CNTNAP2: variants seen among roughly 807,000 people sequenced by gnomAD.
CNTNAP2 encodes the protein contactin associated protein 2.
Under a neutral mutation model 155.2 loss-of-function variants are expected in CNTNAP2, and 98 were observed. The observed-to-expected ratio is 0.63, with a 90% confidence interval of 0.54 to 0.75. The LOEUF (loss-of-function observed/expected upper bound fraction) is 0.75. CNTNAP2 is among the 30% of genes least tolerant of loss of function. The pLI, the probability that CNTNAP2 is intolerant of heterozygous loss-of-function variation, is 0.00. For missense variants in CNTNAP2, 1,727 were observed against 1,688.1 expected (o/e 1.02, Z -0.40); for synonymous variants, 651 against 631.2 (o/e 1.03, Z -0.47).
At chr7:147,348,072 TAGA>T (rs1293008672) in intron 9 of CNTNAP2, among the ~76,000 whole-genome samples, 1 of 151,954 alleles carries the variant, frequency 6.6e-6, no homozygotes, top group Non-Finnish European at 1.5e-5. Flanking sequence ...ATAAAACTGC[TAGA>T]AGAAGACATA....
At chr7:146,152,959 A>G (rs1490832960) in intron 1 of CNTNAP2, among the ~76,000 whole-genome samples, 2 of 152,110 alleles carry the variant, frequency 1.3e-5, no homozygotes, top group African/African-American at 4.8e-5. Context: ...AACTTTACAC[A>G]ACAAATTTGA....
At chr7:148,011,336 C>T (rs565261845) in intron 15 of CNTNAP2, among the ~76,000 whole-genome samples, 11 of 152,228 alleles carry the variant, frequency 7.2e-5, no homozygotes, top group African/African-American at 2.6e-4. Context: ...GCTGATTATA[C>T]ATCATTATTC....
At chr7:147,414,973 A>G (rs1219832954) in intron 10 of CNTNAP2, among the ~76,000 whole-genome samples, 1 of 151,382 alleles carries the variant, frequency 6.6e-6, no homozygotes, top group Non-Finnish European at 1.5e-5. Flanking sequence ...AGAAAAGAAA[A>G]AAAAGAAATG....
chr7:147,423,852 C>T (rs573823457), intron 10 of CNTNAP2, among the ~76,000 whole-genome samples: 2 of 152,314 alleles, frequency 1.3e-5, no homozygotes, highest in Admixed American at 6.5e-5. Context: ...CACTCATGTG[C>T]TCACTTCCCT....
At chr7:146,447,871 A>G (rs1342419107) in intron 1 of CNTNAP2, among the ~76,000 whole-genome samples, 1 of 152,016 alleles carries the variant, frequency 6.6e-6, no homozygotes, top group Non-Finnish European at 1.5e-5. Flanking sequence ...TTTAAGTTCC[A>G]TATGCATTTG....
intron 14 of CNTNAP2, among the ~76,000 whole-genome samples, chr7:147,963,848 CCTTG>C (rs1425718206): frequency 1.2e-4 from 19 of 152,182 alleles, no homozygotes; most frequent in African/African-American, 4.3e-4. Flanking sequence ...CACCCAGATC[CCTTG>C]CTTGGAAGAC....
At chr7:146,647,354 T>C (rs923492274) in intron 1 of CNTNAP2, among the ~76,000 whole-genome samples, 1 of 124,518 alleles carries the variant, frequency 8.0e-6, no homozygotes. Flanking sequence ...AATAATCTTA[T>C]ATTAGTCCAT....
rs148873771 is a variant in CNTNAP2 at position 147,400,951 on chromosome 7, C to T, written c.1670+5171C>T. Among the ~76,000 whole-genome samples, 132 of 152,234 alleles carry T rather than the reference C, an allele frequency of 8.7e-4. 1 individual carries two copies. The East Asian group carries it at 0.024, about 27-fold the overall frequency. ...CCCCACTTCTAAAATTAACCAGTAC[C>T]ATCATTTTACCAGAATACAGAAGAA... On this transcript the variant is annotated intron_variant, in intron 10 of 23. Coordinates refer to ENST00000361727, the MANE Select transcript of CNTNAP2 (RefSeq NM_014141.6).
chr7:147,395,752 A>T lies in CNTNAP2; in HGVS notation c.1642A>T (p.Ser548Cys), dbSNP rs140699088. Residue 548 changes from serine (S) to cysteine (C), a missense_variant, in exon 10 of 24, where the codon AGC becomes TGC. By Grantham distance (112) the Ser-to-Cys change is moderately radical. Coordinates refer to ENST00000361727, the MANE Select transcript of CNTNAP2 (RefSeq NM_014141.6). ...GAAGCCGGGAAGTTTCGCGAATGTC[A>T]GCATTGACATGTGTGCGATCATAGA... is the stretch of plus-strand genomic sequence containing the variant. ...QRKPGSFANV[S>C]IDMCAIIDRC... is the part of the protein sequence containing the mutation. 6 of 1,612,342 alleles carry T rather than the reference A, an allele frequency of 3.7e-6. No homozygotes were observed. Among genetic ancestry groups the T allele is most frequent in the Non-Finnish European group, 5.1e-6 (6 of 1,178,760 alleles).
At chr7:148,097,728 C>G (rs183052036) in intron 15 of CNTNAP2, among the ~76,000 whole-genome samples, 7 of 152,298 alleles carry the variant, frequency 4.6e-5, no homozygotes, top group African/African-American at 1.7e-4. Flanking sequence ...TTTTGAAGCC[C>G]TCCTCGGCTG....
chr7:146,882,713 G>A (rs982036409), intron 3 of CNTNAP2, among the ~76,000 whole-genome samples: 5 of 152,122 alleles, frequency 3.3e-5, no homozygotes, highest in African/African-American at 1.2e-4. Context: ...TGGGATTGCT[G>A]AGCTGAATGG....
chr7:147,042,765 G>T (rs1013070846), intron 3 of CNTNAP2, among the ~76,000 whole-genome samples: 1 of 151,932 alleles, frequency 6.6e-6, no homozygotes, highest in Non-Finnish European at 1.5e-5. Context: ...ATTTCTATTT[G>T]TATGATTTTA....
chr7:147,334,028 T>G (rs1795623878), intron 9 of CNTNAP2, among the ~76,000 whole-genome samples: 1 of 152,182 alleles, frequency 6.6e-6, no homozygotes, highest in South Asian at 2.1e-4. Flanking sequence ...CAAGGGCTCA[T>G]GTGCTTGAAT....
At chr7:146,674,483 G>A (rs1196715201) in intron 1 of CNTNAP2, among the ~76,000 whole-genome samples, 3 of 148,312 alleles carry the variant, frequency 2.0e-5, no homozygotes, top group Non-Finnish European at 4.5e-5. Flanking sequence ...AACCTGCTGA[G>A]CCTCTGTCTG....
At chr7:147,572,701 A>AACACACACACAC (rs55950116) in intron 12 of CNTNAP2, among the ~76,000 whole-genome samples, 3 of 148,984 alleles carry the variant, frequency 2.0e-5, no homozygotes, top group African/African-American at 7.4e-5. Flanking sequence ...CAGGATGGGA[A>AACACACACACAC]ACACACACAC....
intron 3 of CNTNAP2, among the ~76,000 whole-genome samples, chr7:147,013,102 G>T (rs1563043757): frequency 1.3e-5 from 2 of 152,062 alleles, no homozygotes; most frequent in African/African-American, 4.8e-5. Context: ...TTGAATAATA[G>T]TTTATTAAAT....
intron 8 of CNTNAP2, among the ~76,000 whole-genome samples, chr7:147,282,509 A>T (rs1805065684): frequency 6.6e-6 from 1 of 151,842 alleles, no homozygotes; most frequent in South Asian, 2.1e-4. Context: ...AGGCTATTTG[A>T]ACCATCTGGT....
At chr7:148,181,077 T>C (rs1033585092) in intron 18 of CNTNAP2, among the ~76,000 whole-genome samples, 82 of 152,202 alleles carry the variant, frequency 5.4e-4, no homozygotes, top group African/African-American at 1.9e-3. Flanking sequence ...TATACCAGAT[T>C]CTCATGCTTT....
intron 1 of CNTNAP2, among the ~76,000 whole-genome samples, chr7:146,339,397 G>A (rs993806653): frequency 4.6e-5 from 7 of 152,034 alleles, no homozygotes; most frequent in Non-Finnish European, 7.4e-5. Context: ...TTACCCAGAC[G>A]TTGAGGTTTT....
Sources: allele counts gnomAD v4.1 joint callset (sites outside exome capture counted in the v4.1 genomes callset), GRCh38; gene constraint gnomAD v4.1.1; transcripts MANE v1.5; gene names NCBI Gene and HGNC (gene_info 2026-07-23, HGNC 2026-07-21).